Variants in IFI27L1 observed in about 807,000 individuals in gnomAD.
IFI27L1 encodes the protein interferon alpha inducible protein 27 like 1, also known as interferon alpha-inducible protein 27-like protein 1.
Under a neutral mutation model 9.2 loss-of-function variants are expected in IFI27L1, and 3 were observed. The observed-to-expected ratio is 0.32, with a 90% CI of 0.15 to 0.84. IFI27L1 has a LOEUF of 0.84. IFI27L1 is among the 40% of genes least tolerant of loss of function. IFI27L1 has a pLI of 0.56. For synonymous variants in IFI27L1, 53 were observed against 50.0 expected (o/e 1.06, Z -0.26); for missense variants, 133 against 134.2 (o/e 0.99, Z 0.05).
intron 1 of IFI27L1, among the ~76,000 whole-genome samples, chr14:94,086,183 C>T (rs139325776): frequency 1.1e-4 from 16 of 152,124 alleles, no homozygotes; most frequent in Middle Eastern, 3.4e-3. Context: ...AAGTGTGTGG[C>T]GCCTCCCCTC....
intron 3 of IFI27L1, 120 bp from the exon 4 acceptor site, chr14:94,101,694 C>T: frequency 1.0e-6 from 1 of 990,520 alleles, no homozygotes; most frequent in Non-Finnish European, 1.5e-6. Flanking sequence ...GGATCCCATC[C>T]CTGCTCAGTC....
intron 1 of IFI27L1, among the ~76,000 whole-genome samples, chr14:94,090,057 C>G (rs1353227514): frequency 6.6e-6 from 1 of 152,128 alleles, no homozygotes; most frequent in Non-Finnish European, 1.5e-5. Flanking sequence ...GTAAAATAAG[C>G]AAAATTATCC....
intron 1 of IFI27L1, among the ~76,000 whole-genome samples, chr14:94,082,491 C>T (rs778476893): frequency 2.0e-5 from 3 of 152,238 alleles, no homozygotes; most frequent in African/African-American, 4.8e-5. Context: ...TGGAAGAAGA[C>T]GCCATCAAGG....
At chr14:94,086,670 C>A (rs1413814917) in intron 1 of IFI27L1, among the ~76,000 whole-genome samples, 2 of 152,114 alleles carry the variant, frequency 1.3e-5, no homozygotes, top group African/African-American at 4.8e-5. Flanking sequence ...AAAGCAATTA[C>A]AAGACAACAG....
chr14:94,100,215 A>T, intron 2 of IFI27L1: 1 of 950,706 alleles, frequency 1.1e-6, no homozygotes, highest in Non-Finnish European at 1.3e-6. Flanking sequence ...GCCATGAGCT[A>T]AAAGCTTCAA....
At chr14:94,100,294 G>A (rs988640454) in intron 2 of IFI27L1, 178 of 985,290 alleles carry the variant, frequency 1.8e-4, no homozygotes, top group Non-Finnish European at 2.1e-4. Context: ...CTGAGACCAA[G>A]GCGCCTCTTC....
intron 2 of IFI27L1, among the ~76,000 whole-genome samples, chr14:94,098,825 C>T (rs879754574): frequency 3.4e-4 from 51 of 152,188 alleles, no homozygotes; most frequent in Non-Finnish European, 6.8e-4. Context: ...TGTTCTCATG[C>T]TTTGCATTAG....
chr14:94,093,719 G>T (rs1197348479), intron 1 of IFI27L1, among the ~76,000 whole-genome samples: 1 of 152,040 alleles, frequency 6.6e-6, no homozygotes, highest in Non-Finnish European at 1.5e-5. Flanking sequence ...GCCTTAGTTT[G>T]GTGACAAATA....
At position 94,096,978 on chromosome 14, in the gene IFI27L1, C is replaced by T. The variant is rs778156751; in HGVS notation, c.28+13C>T. 3 of 1,608,396 alleles carry T rather than the reference C, an allele frequency of 1.9e-6. No homozygotes were observed. The highest frequency in any genetic ancestry group is 3.4e-5 in the Admixed American group (2 of 59,362). On this transcript the variant is annotated intron_variant, in intron 2 of 4. Transcript: ENST00000555523. ...GGATGGGACTCAGGTGGGTACTGCA[C>T]ATGATTCTGGGGGCTGCTGGTCCTT...
chr14:94,083,597 G>A (rs1021199742), intron 1 of IFI27L1, among the ~76,000 whole-genome samples: 1 of 152,148 alleles, frequency 6.6e-6, no homozygotes, highest in African/African-American at 2.4e-5. Context: ...TAATCAATCA[G>A]CTGGTTTCAG....
At chr14:94,091,587 A>G (rs1886476048) in intron 1 of IFI27L1, among the ~76,000 whole-genome samples, 1 of 152,210 alleles carries the variant, frequency 6.6e-6, no homozygotes, top group African/African-American at 2.4e-5. Context: ...ATAATTTATA[A>G]TTTGATTTTG....
chr14:94,084,885 T>G (rs1319341000), intron 1 of IFI27L1, among the ~76,000 whole-genome samples: 1 of 152,198 alleles, frequency 6.6e-6, no homozygotes, highest in Non-Finnish European at 1.5e-5. Context: ...CAAGGGAAAT[T>G]GGGTTTTTTT....
intron 1 of IFI27L1, among the ~76,000 whole-genome samples, chr14:94,084,888 G>GT (rs958323872): frequency 9.2e-5 from 14 of 151,978 alleles, no homozygotes; most frequent in East Asian, 3.9e-4. Flanking sequence ...GGGAAATTGG[G>GT]TTTTTTTACA....
intron 1 of IFI27L1, among the ~76,000 whole-genome samples, chr14:94,083,530 T>C (rs1251830829): frequency 2.6e-5 from 4 of 152,234 alleles, no homozygotes; most frequent in African/African-American, 9.6e-5. Context: ...GCAAACTTCA[T>C]TGTTGTGTTA....
chr14:94,096,712 A>AGGCTAT, intron 1 of IFI27L1, 175 bp from the exon 2 acceptor site: 1 of 416,018 alleles, frequency 2.4e-6, no homozygotes, highest in Non-Finnish European at 4.3e-6. Flanking sequence ...AAAAAAAAAA[A>AGGCTAT]GGCTATGCTT....
intron 2 of IFI27L1, among the ~76,000 whole-genome samples, chr14:94,098,378 G>A (rs77536371): frequency 6.6e-6 from 1 of 152,030 alleles, no homozygotes; most frequent in African/African-American, 2.4e-5. Context: ...GCTTCTCCCT[G>A]TGTGACTCCA....
At chr14:94,081,838 C>T (rs773063798) in intron 1 of IFI27L1, among the ~76,000 whole-genome samples, 1 of 152,228 alleles carries the variant, frequency 6.6e-6, no homozygotes, top group South Asian at 2.1e-4. Context: ...TTCCTTCTCT[C>T]TCCCTTTCCT....
chr14:94,083,831 TG>T (rs1420637040), intron 1 of IFI27L1, among the ~76,000 whole-genome samples: 2 of 152,256 alleles, frequency 1.3e-5, no homozygotes, highest in Non-Finnish European at 2.9e-5. Context: ...GGCACATCCC[TG>T]TAGTCCCAGC....
chr14:94,084,576 G>C (rs1438878645), intron 1 of IFI27L1, among the ~76,000 whole-genome samples: 2 of 152,160 alleles, frequency 1.3e-5, no homozygotes, highest in Non-Finnish European at 2.9e-5. Flanking sequence ...CCTGAACAAA[G>C]AGTCAAGCTA....
Sources: allele counts gnomAD v4.1 joint callset (sites outside exome capture counted in the v4.1 genomes callset), GRCh38; gene constraint gnomAD v4.1.1; transcripts MANE v1.5; gene names NCBI Gene and HGNC (gene_info 2026-07-23, HGNC 2026-07-21).